DZANK1: variants seen among roughly 807,000 people sequenced by gnomAD.
DZANK1 encodes double zinc ribbon and ankyrin repeat-containing protein 1.
A neutral mutation model predicts 94.5 loss-of-function variants in DZANK1; 91 were observed. That is an observed-to-expected ratio of 0.96 (90% CI 0.81 to 1.15). The LOEUF (loss-of-function observed/expected upper bound fraction) is 1.15. Ranked by LOEUF, DZANK1 falls within the 50% of genes most tolerant of loss-of-function variation. The pLI is 0.00. For synonymous variants in DZANK1, 312 were observed against 325.3 expected, an observed-to-expected ratio of 0.96 and a Z score of 0.44; for missense variants, 903 against 916.4, an observed-to-expected ratio of 0.99 and a Z score of 0.19.
intron 6 of DZANK1, among the ~76,000 whole-genome samples, chr20:18,450,515 T>A (rs2059062442): frequency 6.6e-6 from 1 of 152,250 alleles, no homozygotes; most frequent in African/African-American, 2.4e-5. Context: ...TGTTTCAAAA[T>A]TTTAACTAAC....
At chr20:18,444,952 C>T (rs1336413468) in intron 7 of DZANK1, among the ~76,000 whole-genome samples, 2 of 152,084 alleles carry the variant, frequency 1.3e-5, no homozygotes, top group African/African-American at 4.8e-5. Flanking sequence ...AGGTGCCTGC[C>T]ACCAAGCCCG....
chr20:18,452,636 T>A, exon 6 of DZANK1: 1 of 1,584,470 alleles, frequency 6.3e-7, no homozygotes, highest in Admixed American at 1.8e-5. Flanking sequence ...GGGTGGGTGG[T>A]CTAGAACCTG....
At chr20:18,397,327 T>G (rs1387608132) in intron 14 of DZANK1, among the ~76,000 whole-genome samples, 1 of 152,212 alleles carries the variant, frequency 6.6e-6, no homozygotes, top group Non-Finnish European at 1.5e-5. Context: ...GTACACAGCC[T>G]ATTTCATAAA....
intron 8 of DZANK1, among the ~76,000 whole-genome samples, chr20:18,436,098 G>T (rs1367418727): frequency 3.3e-5 from 5 of 152,126 alleles, no homozygotes; most frequent in African/African-American, 1.2e-4. Context: ...TTACATGCTG[G>T]ATTTAGTAGA....
intron 15 of DZANK1, 60 bp from the exon 16 acceptor site, chr20:18,394,410 G>C: frequency 6.6e-7 from 1 of 1,511,388 alleles, no homozygotes; most frequent in Non-Finnish European, 9.1e-7. Context: ...CCACTAGAAA[G>C]AAGGATCTCC....
chr20:18,427,219 C>A (rs778716307), intron 9 of DZANK1, 60 bp from the exon 10 acceptor site: 73 of 1,308,576 alleles, frequency 5.6e-5, no homozygotes, highest in Non-Finnish European at 7.8e-5. Context: ...GCAAAGAAAT[C>A]ATCAACCAGT....
rs1376857250 is a variant in DZANK1 at position 18,460,138 on chromosome 20, A to G, written c.263+15T>C. ...TATATCATAAATTAAATTAATCACC[A>G]TGCTCTTAACTTACTTAGAGACAGC... On this transcript the variant is annotated intron_variant, in intron 3 of 20. Transcript: ENST00000262547. 2 of 1,456,144 alleles carry G rather than the reference A, an allele frequency of 1.4e-6. No homozygotes were observed. 90.2% of individuals were successfully genotyped at this position (1,456,144 alleles called of 1,614,324 possible).
chr20:18,390,377 A>AC lies in DZANK1; in HGVS notation c.1890+1dup, dbSNP rs756734674. 295 of 1,613,586 alleles carry AC rather than the reference A, an allele frequency of 1.8e-4. No individual in the cohort carries two copies. Among genetic ancestry groups the AC allele is most frequent in the Non-Finnish European group, 2.4e-4 (278 of 1,179,690 alleles). ...GAGACTGGCTCCTTTGGCAACACTT[A>AC]CCTCATCCAGCAGCTGTTCAATCAC... On this transcript the variant is annotated splice_donor_variant, in intron 18 of 20. Coordinates refer to ENST00000262547, the Ensembl canonical transcript of DZANK1. LOFTEE classifies it high-confidence loss of function.
chr20:18,406,066 G>A (rs2056946208), intron 13 of DZANK1, among the ~76,000 whole-genome samples: 1 of 150,624 alleles, frequency 6.6e-6, no homozygotes, highest in Non-Finnish European at 1.5e-5. Context: ...AGCAAGCCTC[G>A]CCACTGGTGG....
intron 19 of DZANK1, among the ~76,000 whole-genome samples, chr20:18,387,504 A>ATGCT (rs2048576089): frequency 6.6e-6 from 1 of 152,246 alleles, no homozygotes; most frequent in Non-Finnish European, 1.5e-5. Context: ...AAGTAGACTG[A>ATGCT]TGCTTGCATC....
chr20:18,412,725 C>A (rs1259288986), exon 13 of DZANK1: 2 of 1,613,572 alleles, frequency 1.2e-6, no homozygotes, highest in African/African-American at 2.7e-5. Context: ...AGGCTAGTTC[C>A]TGTTCCTTTT....
At chr20:18,384,986 A>G in intron 20 of DZANK1, 30 bp downstream of exon 20, 2 of 1,545,764 alleles carry the variant, frequency 1.3e-6, no homozygotes, top group South Asian at 1.2e-5. Flanking sequence ...GTGGCCCTCA[A>G]AAGTATCCAT....
chr20:18,462,871 G>C (rs2059519754), intron 2 of DZANK1, among the ~76,000 whole-genome samples: 1 of 151,146 alleles, frequency 6.6e-6, no homozygotes, highest in South Asian at 2.1e-4. Context: ...CCAGGAGGCG[G>C]AGGTTGCAGT....
chr20:18,431,019 C>T lies in DZANK1; in HGVS notation c.861+2633G>A, dbSNP rs144080206. 3.0e-3 allele frequency among the ~76,000 whole-genome samples: 462 copies of T among 152,032 alleles called. 2 individuals are homozygous for T. Among genetic ancestry groups the T allele is most frequent in the African/African-American group, 0.011 (445 of 41,476 alleles). Reference sequence around the variant, plus strand: ...ATAAAAGGACACTCTAAGCTGCTAACGTTGGTTATTTCAGAGAAATAGAAA... The same window carrying T: ...ATAAAAGGACACTCTAAGCTGCTAATGTTGGTTATTTCAGAGAAATAGAAA... On this transcript the variant is annotated intron_variant, in intron 9 of 20. Transcript: ENST00000262547.
chr20:18,393,554 C>A (rs555213695), intron 17 of DZANK1, among the ~76,000 whole-genome samples, 157 bp downstream of exon 17: 3 of 152,090 alleles, frequency 2.0e-5, no homozygotes, highest in East Asian at 3.9e-4. Context: ...TCTTGAGATA[C>A]TTTAAAGAAG....
chr20:18,387,464 G>C (rs1181238788), intron 19 of DZANK1, among the ~76,000 whole-genome samples: 1 of 152,166 alleles, frequency 6.6e-6, no homozygotes, highest in Admixed American at 6.5e-5. Flanking sequence ...ATTACCTAAT[G>C]GAATAAATGT....
chr20:18,389,578 G>A, intron 19 of DZANK1, 123 bp downstream of exon 19: 1 of 1,382,934 alleles, frequency 7.2e-7, no homozygotes, highest in Non-Finnish European at 9.7e-7. Context: ...GCTGAAATAG[G>A]TTAAAATGGT....
At chr20:18,410,393 T>C (rs1053018986) in intron 13 of DZANK1, among the ~76,000 whole-genome samples, 2 of 152,118 alleles carry the variant, frequency 1.3e-5, no homozygotes, top group Non-Finnish European at 2.9e-5. Flanking sequence ...GAAAACCCTA[T>C]AGTAACCACT....
At chr20:18,421,809 A>G (rs1252755232) in intron 10 of DZANK1, among the ~76,000 whole-genome samples, 3 of 152,156 alleles carry the variant, frequency 2.0e-5, no homozygotes, top group Admixed American at 2.0e-4. Context: ...ACCCTGGAGC[A>G]TCATCTGGCC....
Sources: allele counts gnomAD v4.1 joint callset (sites outside exome capture counted in the v4.1 genomes callset), GRCh38; gene constraint gnomAD v4.1.1; transcripts MANE v1.5; gene names NCBI Gene and HGNC (gene_info 2026-07-23, HGNC 2026-07-21).